Variants in GRM7 observed in about 807,000 individuals in gnomAD.
The protein encoded by GRM7 is metabotropic glutamate receptor 7.
GRM7 carries 35 observed loss-of-function variants against 84.5 expected under a neutral mutation model. That is an observed-to-expected ratio of 0.41 (90% CI 0.32 to 0.55). GRM7 has a LOEUF of 0.55. Ranked by LOEUF, GRM7 falls within the 20% of genes least tolerant of loss-of-function variation. The pLI is 0.19. For missense variants in GRM7, 1,003 were observed against 1,194.6 expected, an observed-to-expected ratio of 0.84 and a Z score of 2.36; for synonymous variants, 487 against 455.1, an observed-to-expected ratio of 1.07 and a Z score of -0.89.
Position 7,488,345 on chromosome 3 carries a change from C to T in GRM7, c.1515+26623C>T, listed in dbSNP as rs569696455. ...GTGGAGGGCAAGGGGCAGAATGCAA[C>T]GGTTTGGATATGGTTTGTCTCCATC... On this transcript the variant is annotated intron_variant, in intron 7 of 9. Transcript: ENST00000357716. Among the ~76,000 whole-genome samples, 24 of 152,110 alleles carry T rather than the reference C, an allele frequency of 1.6e-4. No individual in the cohort carries two copies. The East Asian group carries it at 1.9e-3, about 12-fold the overall frequency.
intron 1 of GRM7, among the ~76,000 whole-genome samples, chr3:6,993,348 A>G (rs529273070): frequency 1.6e-4 from 24 of 152,202 alleles, no homozygotes; most frequent in Non-Finnish European, 3.2e-4. Context: ...GAGGTATCAA[A>G]AAGGAGCAGG....
At chr3:7,590,182 G>T (rs1695711923) in intron 8 of GRM7, among the ~76,000 whole-genome samples, 1 of 152,102 alleles carries the variant, frequency 6.6e-6, no homozygotes, top group Non-Finnish European at 1.5e-5. Flanking sequence ...AACCAGTGAG[G>T]ATCCATCACT....
intron 2 of GRM7, among the ~76,000 whole-genome samples, chr3:7,226,283 G>A (rs1042104888): frequency 6.6e-6 from 1 of 152,138 alleles, no homozygotes; most frequent in African/African-American, 2.4e-5. Flanking sequence ...GCCTGGCTGG[G>A]ATCTCATCTG....
In GRM7 at chr3:6,928,278, T is replaced by G. The variant is rs1015713239; in HGVS notation, c.519+66371T>G. ...TTTCCCAGGTACTAAAAAATGCAGT[T>G]GTAATGACTTGTTAACTTGTAGATA... On this transcript the variant is annotated intron_variant, in intron 1 of 9. Coordinates refer to ENST00000357716, the MANE Select transcript of GRM7 (RefSeq NM_000844.4). This position sits in a 1 kb window ranked among gnomAD's most constrained non-coding sequence, Gnocchi z 4.5. 6.6e-6 allele frequency among the ~76,000 whole-genome samples: 1 copy of G among 152,102 alleles called. No homozygotes were observed. The highest frequency in any genetic ancestry group is 2.4e-5 in the African/African-American group (1 of 41,422).
At chr3:7,363,133 T>C (rs1693740392) in intron 4 of GRM7, among the ~76,000 whole-genome samples, 1 of 150,946 alleles carries the variant, frequency 6.6e-6, no homozygotes, top group Non-Finnish European at 1.5e-5. Flanking sequence ...CTAAAATAAA[T>C]AAAATATAAT....
rs142389743 is a variant in GRM7 at position 7,078,928 on chromosome 3, C to T, written c.520-67524C>T. On this transcript the variant is annotated intron_variant, in intron 1 of 9. Transcript: ENST00000357716. ...ATTAGAATGAGGTAGGGACTATCTT[C>T]GAAGTGAGAAAGGTATAAGAAATAC... is the stretch of plus-strand genomic sequence containing the variant. Among the ~76,000 whole-genome samples the T allele has an allele frequency of 2.7e-4, 41 of 149,902 alleles. No homozygotes were observed. In the East Asian group the frequency reaches 7.5e-3, roughly 27 times the overall value.
At chr3:7,407,564 T>G (rs568736441) in intron 4 of GRM7, among the ~76,000 whole-genome samples, 5 of 152,296 alleles carry the variant, frequency 3.3e-5, no homozygotes, top group Admixed American at 2.6e-4. Context: ...ATACTGAAAA[T>G]TTTAAAAATC....
intron 2 of GRM7, among the ~76,000 whole-genome samples, chr3:7,180,783 A>G (rs1159554446): frequency 6.6e-6 from 1 of 152,176 alleles, no homozygotes; most frequent in Non-Finnish European, 1.5e-5. Flanking sequence ...GAAATGTTCC[A>G]TCTGACCAGT....
At chr3:7,442,709 G>A (rs1396402766) in intron 5 of GRM7, among the ~76,000 whole-genome samples, 2 of 152,094 alleles carry the variant, frequency 1.3e-5, no homozygotes, top group Non-Finnish European at 2.9e-5. Context: ...TTCCCATATA[G>A]CATAGCTTCT....
Position 7,348,971 on chromosome 3 carries a change from T to C in GRM7, c.1033+42319T>C, listed in dbSNP as rs1262850454. Among the ~76,000 whole-genome samples, 3 of 152,144 alleles carry C rather than the reference T, an allele frequency of 2.0e-5. 1 individual carries two copies. The highest frequency in any genetic ancestry group is 2.0e-4 in the Admixed American group (3 of 15,260). On this transcript the variant is annotated intron_variant, in intron 4 of 9. Transcript: ENST00000357716. Reference sequence around the variant, plus strand: ...TTTTCATTCATAATTTATTGATGAATACTAATTAGATGGGCCATGCCTTCA... The same window carrying C: ...TTTTCATTCATAATTTATTGATGAACACTAATTAGATGGGCCATGCCTTCA...
chr3:7,461,519 A>G (rs1317669036), intron 6 of GRM7, 64 bp from the exon 7 acceptor site: 4 of 1,326,470 alleles, frequency 3.0e-6, no homozygotes, highest in African/African-American at 1.4e-5. Flanking sequence ...TGTCACCCAT[A>G]GTACAAGAGA....
chr3:6,968,349 T>C (rs1349962619), intron 1 of GRM7, among the ~76,000 whole-genome samples: 1 of 152,176 alleles, frequency 6.6e-6, no homozygotes. Flanking sequence ...AATGAACTCA[T>C]TTTATTTTGA....
chr3:6,919,543 GA>G (rs1697052770), intron 1 of GRM7, among the ~76,000 whole-genome samples: 1 of 149,350 alleles, frequency 6.7e-6, no homozygotes, highest in African/African-American at 2.4e-5. Context: ...TCAAAACGTA[GA>G]AAAACATTAT....
chr3:7,461,901 G>A (rs943968461), intron 7 of GRM7, among the ~76,000 whole-genome samples, 179 bp downstream of exon 7: 1 of 152,138 alleles, frequency 6.6e-6, no homozygotes, highest in Non-Finnish European at 1.5e-5. Flanking sequence ...TGACGATGAT[G>A]GGAAATGTGC....
intron 1 of GRM7, among the ~76,000 whole-genome samples, chr3:6,910,076 G>GA (rs1349394139): frequency 6.6e-6 from 1 of 152,012 alleles, no homozygotes; most frequent in East Asian, 1.9e-4. Flanking sequence ...TGGGCTGAAG[G>GA]AAAAAAATCA....
At chr3:7,090,503 C>T (rs763940352) in intron 1 of GRM7, among the ~76,000 whole-genome samples, 2 of 152,180 alleles carry the variant, frequency 1.3e-5, no homozygotes, top group Non-Finnish European at 2.9e-5. Flanking sequence ...AGGCCTCCAA[C>T]CCCCTTCCCA....
At position 7,550,547 on chromosome 3, in the gene GRM7, TTCTCTCTCTCTC is replaced by T. The variant is rs113713129; in HGVS notation, c.1516-27855_1516-27844del. Among the ~76,000 whole-genome samples, 30 of 103,532 alleles carry T rather than the reference TTCTCTCTCTCTC, an allele frequency of 2.9e-4. 1 individual carries two copies. In the East Asian group the frequency reaches 8.1e-3, roughly 28 times the overall value. The allele number at this position is 103,532 out of a possible 152,430, so 67.9% of individuals were successfully genotyped here. On this transcript the variant is annotated intron_variant, in intron 7 of 9. Coordinates refer to ENST00000357716, the MANE Select transcript of GRM7 (RefSeq NM_000844.4). ...CTTCCTTTTTTTCTTCTCCCTTTTC[TTCTCTCTCTCTC>T]TCTCTCTCTCTCTCTCTCTGTGTGT...
At chr3:7,563,534 A>G (rs918586422) in intron 7 of GRM7, among the ~76,000 whole-genome samples, 10 of 152,322 alleles carry the variant, frequency 6.6e-5, no homozygotes, top group African/African-American at 2.4e-4. Context: ...GCTTGAAGGC[A>G]TCAGGAAAGA....
intron 1 of GRM7, among the ~76,000 whole-genome samples, chr3:7,106,088 CTTTG>C (rs145946576): frequency 0.027 from 4,158 of 151,836 alleles, 184 homozygotes; most frequent in African/African-American, 0.096. Flanking sequence ...CCATTTTCTT[CTTTG>C]TTTATTTATT....
Sources: gnomAD v4.1 joint callset for allele counts (sites outside exome capture counted in the v4.1 genomes callset) on GRCh38, gnomAD v4.1.1 for gene constraint, Gnocchi (gnomAD v3.1) non-coding constraint, MANE v1.5 for transcripts, NCBI Gene and HGNC (gene_info 2026-07-23, HGNC 2026-07-21) for gene names.